The following CCN4 variants were observed in gnomAD, a reference collection of about 807,000 sequenced individuals.
The protein encoded by CCN4 is CCN family member 4.
Under a neutral mutation model 36.7 loss-of-function variants are expected in CCN4, and 30 were observed. That is an observed-to-expected ratio of 0.82 (90% confidence interval 0.61 to 1.11). The LOEUF (loss-of-function observed/expected upper bound fraction) is 1.11. CCN4 is among the 50% of genes least tolerant of loss of function. The pLI, the probability that CCN4 is intolerant of heterozygous loss-of-function variation, is 0.00. For synonymous variants in CCN4, 191 were observed against 195.4 expected, an observed-to-expected ratio of 0.98 and a Z score of 0.19; for missense variants, 505 against 504.9, an observed-to-expected ratio of 1.00 and a Z score of 0.00.
chr8:133,218,174 A>G (rs1854395662), intron 2 of CCN4, among the ~76,000 whole-genome samples: 2 of 152,168 alleles, frequency 1.3e-5, no homozygotes. Context: ...CAAACGAATC[A>G]TTTAACCTCT....
chr8:133,191,287 G>C, intron 1 of CCN4, 74 bp downstream of exon 1: 1 of 1,502,350 alleles, frequency 6.7e-7, no homozygotes, highest in Non-Finnish European at 9.0e-7. Context: ...ATGGGGGCTG[G>C]TGGGCAGGAT....
At chr8:133,197,023 A>T (rs1853412576) in intron 1 of CCN4, among the ~76,000 whole-genome samples, 1 of 152,176 alleles carries the variant, frequency 6.6e-6, no homozygotes, top group Non-Finnish European at 1.5e-5. Context: ...CTTACCTGGC[A>T]CATTTAGAGG....
rs376351270 is a variant in CCN4, at chr8:133,220,620, A to T, written c.389A>T (p.Tyr130Phe). ...GVGCVLDGVR[Y>F]NNGQSFQPNC... Reference sequence around the variant, plus strand: ...GGCTGCGTCCTGGATGGGGTGCGCTACAACAACGGCCAGTCCTTCCAGCCT... The same window carrying T: ...GGCTGCGTCCTGGATGGGGTGCGCTTCAACAACGGCCAGTCCTTCCAGCCT... The change falls in exon 3 of 5, where the codon TAC (tyrosine) becomes TTC (phenylalanine). Residue 130 changes from tyrosine to phenylalanine, a missense_variant. Tyr to Phe is a conservative substitution (Grantham distance 22). Coordinates refer to ENST00000250160, the MANE Select transcript of CCN4 (RefSeq NM_003882.4). 4.2e-5 allele frequency: 67 copies of T among 1,614,068 alleles called. No individual in the cohort carries two copies. The highest frequency in any genetic ancestry group is 5.4e-5 in the Non-Finnish European group (64 of 1,180,014).
rs72731540 is a variant in CCN4 at position 133,220,781 on chromosome 8, G to T, written c.550G>T (p.Val184Leu). 3.1e-6 allele frequency: 5 copies of T among 1,612,338 alleles called. No homozygotes were observed. The highest frequency in any genetic ancestry group is 1.7e-5 in the Admixed American group (1 of 59,998). ...SIPGHCCEQW[V>L]CEDDAKRPRK... ...ACCTGGCCACTGCTGTGAGCAGTGG[G>T]TATGTGAGGACGACGCCAAGAGGCC... is the stretch of plus-strand genomic sequence containing the variant. Residue 184 changes from valine (V) to leucine (L), a missense_variant, in exon 3 of 5, where the codon GTA (valine) becomes TTA (leucine). Physicochemically the swap from Val to Leu is conservative, Grantham distance 32. Transcript: ENST00000250160.
At chr8:133,196,407 AT>A (rs1026689336) in intron 1 of CCN4, among the ~76,000 whole-genome samples, 2 of 152,242 alleles carry the variant, frequency 1.3e-5, no homozygotes, top group African/African-American at 4.8e-5. Context: ...AGATGATAAT[AT>A]TTTGAATATA....
chr8:133,220,146 C>G (rs532799184), intron 2 of CCN4, among the ~76,000 whole-genome samples: 3 of 152,304 alleles, frequency 2.0e-5, no homozygotes, highest in Admixed American at 6.5e-5. Flanking sequence ...TAGAAGGCTC[C>G]ATGAATGTGT....
chr8:133,223,003 C>A (rs778357045), intron 3 of CCN4, among the ~76,000 whole-genome samples: 1 of 151,946 alleles, frequency 6.6e-6, no homozygotes, highest in Non-Finnish European at 1.5e-5. Context: ...CCACTAGATG[C>A]CAGAAGCGCC....
chr8:133,213,714 A>G (rs1854153785), intron 2 of CCN4, among the ~76,000 whole-genome samples: 1 of 147,704 alleles, frequency 6.8e-6, no homozygotes, highest in African/African-American at 2.5e-5. Flanking sequence ...TATTCTATAT[A>G]GTATAGAAAT....
At chr8:133,218,349 C>A (rs746711283) in intron 2 of CCN4, among the ~76,000 whole-genome samples, 9 of 151,728 alleles carry the variant, frequency 5.9e-5, no homozygotes, top group Admixed American at 2.0e-4. Flanking sequence ...AACCGCACCC[C>A]AAAAAAAACA....
At chr8:133,226,915 C>T (rs1003742621) in intron 4 of CCN4, among the ~76,000 whole-genome samples, 7 of 152,168 alleles carry the variant, frequency 4.6e-5, no homozygotes, top group African/African-American at 1.4e-4. Context: ...TGGAAGGTAG[C>T]GTTACCTTTA....
At position 133,213,095 on chromosome 8, in the gene CCN4, T is replaced by C; in HGVS notation, c.301T>C (p.Cys101Arg). ...CTGTGACCCCCACCGGGGCCTCTACTGTGACTACAGCGGGGACCGCCCGAG... is the reference window on the plus strand; with the variant it reads ...CTGTGACCCCCACCGGGGCCTCTACCGTGACTACAGCGGGGACCGCCCGAG... Reference protein sequence around the residue: ...AICDPHRGLYCDYSGDRPRYA... With the variant: ...AICDPHRGLYRDYSGDRPRYA... Residue 101 changes from cysteine (C) to arginine (R), a missense_variant, in exon 2 of 5, where the codon TGT becomes CGT. By Grantham distance (180) the Cys-to-Arg change is radical (BLOSUM62 -3). Transcript: ENST00000250160. 2 of 1,614,028 alleles carry C rather than the reference T, an allele frequency of 1.2e-6. No individual in the cohort carries two copies. Among genetic ancestry groups the C allele is most frequent in the Non-Finnish European group, 1.7e-6 (2 of 1,179,888 alleles).
At chr8:133,216,104 C>T (rs991583106) in intron 2 of CCN4, among the ~76,000 whole-genome samples, 1 of 152,064 alleles carries the variant, frequency 6.6e-6, no homozygotes, top group East Asian at 1.9e-4. Context: ...CCCGGAAGTG[C>T]TACCATAGTG....
chr8:133,216,381 CA>C (rs1854322385), intron 2 of CCN4, among the ~76,000 whole-genome samples: 1 of 152,078 alleles, frequency 6.6e-6, no homozygotes, highest in South Asian at 2.1e-4. Flanking sequence ...ATGATGGGGA[CA>C]ATGGCAATCT....
intron 2 of CCN4, among the ~76,000 whole-genome samples, chr8:133,214,308 T>C (rs1266004020): frequency 6.6e-6 from 1 of 151,372 alleles, no homozygotes; most frequent in East Asian, 1.9e-4. Flanking sequence ...ACCTTCCAAA[T>C]GACATTGCCA....
intron 3 of CCN4, among the ~76,000 whole-genome samples, chr8:133,221,056 G>C (rs945923196): frequency 6.6e-6 from 1 of 152,234 alleles, no homozygotes; most frequent in Non-Finnish European, 1.5e-5. Flanking sequence ...GATCCTCCCA[G>C]CATAAAATGA....
intron 1 of CCN4, among the ~76,000 whole-genome samples, chr8:133,199,797 G>A (rs1041324176): frequency 3.3e-5 from 5 of 152,052 alleles, no homozygotes; most frequent in African/African-American, 1.2e-4. Flanking sequence ...TGCAAACTTT[G>A]GCTCTTAGAT....
chr8:133,215,798 T>A (rs1588198696), intron 2 of CCN4, among the ~76,000 whole-genome samples: 2 of 152,304 alleles, frequency 1.3e-5, no homozygotes, highest in East Asian at 1.9e-4. Context: ...TCCCTGGTCA[T>A]GAAGTTTTAC....
At chr8:133,195,664 GAGA>G (rs1283925703) in intron 1 of CCN4, among the ~76,000 whole-genome samples, 4 of 152,178 alleles carry the variant, frequency 2.6e-5, no homozygotes, top group Admixed American at 6.5e-5. Context: ...ATGGCATTTG[GAGA>G]AGGAGTGGGC....
chr8:133,225,681 G>C, intron 4 of CCN4, 98 bp downstream of exon 4: 1 of 1,268,846 alleles, frequency 7.9e-7, no homozygotes, highest in Non-Finnish European at 1.0e-6. Context: ...CATTTGTAAA[G>C]TGGGAATAGT....
Sources: allele counts gnomAD v4.1 joint callset (sites outside exome capture counted in the v4.1 genomes callset), GRCh38; gene constraint gnomAD v4.1.1; transcripts MANE v1.5; gene names NCBI Gene and HGNC (gene_info 2026-07-23, HGNC 2026-07-21).